Variants in ACSM6 observed in about 807,000 individuals in gnomAD.
ACSM6 encodes the protein acyl-coenzyme A synthetase ACSM6, mitochondrial.
ACSM6 carries 35 observed loss-of-function variants against 51.1 expected under a neutral mutation model. That is an observed-to-expected ratio of 0.69 (90% CI 0.52 to 0.91). The LOEUF (loss-of-function observed/expected upper bound fraction) is 0.91, where lower values mean the gene tolerates loss of function less well. Ranked by LOEUF, ACSM6 falls within the 40% of genes least tolerant of loss-of-function variation. ACSM6 has a pLI of 0.00. For synonymous variants in ACSM6, 172 were observed against 207.3 expected (o/e 0.83, Z 1.46); for missense variants, 509 against 584.1 (o/e 0.87, Z 1.32).
chr10:95,218,599 A>G (rs1189630800), intron 8 of ACSM6, among the ~76,000 whole-genome samples: 2 of 152,224 alleles, frequency 1.3e-5, no homozygotes, highest in African/African-American at 4.8e-5. Flanking sequence ...CCTTCAGACA[A>G]GATCAAAATA....
intron 4 of ACSM6, among the ~76,000 whole-genome samples, chr10:95,208,529 G>C (rs907593143): frequency 6.6e-6 from 1 of 152,216 alleles, no homozygotes. Flanking sequence ...TTAAAATAGC[G>C]AGATGATGCC....
chr10:95,210,366 T>G (rs2133381540), intron 4 of ACSM6, among the ~76,000 whole-genome samples: 1 of 152,242 alleles, frequency 6.6e-6, no homozygotes, highest in African/African-American at 2.4e-5. Flanking sequence ...CAATAATGAT[T>G]ACTACAGATT....
rs951519647 is a variant in ACSM6, at chr10:95,212,179, G to A, written c.912+145G>A. 3 of 988,098 alleles carry A rather than the reference G, an allele frequency of 3.0e-6. No individual in the cohort carries two copies. In the Admixed American group the frequency reaches 7.1e-5, roughly 23 times the overall value. The allele number at this position is 988,098 out of a possible 1,614,324, so 61.2% of individuals were successfully genotyped here. ...TGACTTGAAGATGCTCTCCCTGCTT[G>A]TGAGAGCAATGCTCTCTCTCTTCCC... On this transcript the variant is annotated intron_variant, in intron 6 of 10. Coordinates refer to ENST00000341686, the Ensembl canonical transcript of ACSM6.
intron 3 of ACSM6, among the ~76,000 whole-genome samples, chr10:95,206,421 T>A (rs969938411): frequency 1.3e-5 from 2 of 152,188 alleles, no homozygotes; most frequent in African/African-American, 4.8e-5. Context: ...GATATTTAGG[T>A]TGTTTCCACA....
intron 6 of ACSM6, 34 bp downstream of exon 6, chr10:95,212,068 C>T: frequency 6.2e-7 from 1 of 1,612,460 alleles, no homozygotes; most frequent in Non-Finnish European, 8.5e-7. Flanking sequence ...ATGTGTGGGA[C>T]AAAGGCCAGA....
At chr10:95,219,602 T>C (rs2034975587) in intron 8 of ACSM6, among the ~76,000 whole-genome samples, 1 of 152,222 alleles carries the variant, frequency 6.6e-6, no homozygotes, top group Non-Finnish European at 1.5e-5. Flanking sequence ...TTCCTTGAAT[T>C]TGTTATTTTA....
chr10:95,196,153 G>A lies in ACSM6; in HGVS notation c.192+1476G>A, dbSNP rs547832904. ...TTGTGCCTTTTATCTCTTTGTGCCC[G>A]CATGGCATCTGGCACCATGCAGAGC... On this transcript the variant is annotated intron_variant, in intron 2 of 10. Coordinates refer to ENST00000341686, the Ensembl canonical transcript of ACSM6. Among the ~76,000 whole-genome samples the A allele has an allele frequency of 1.9e-4, 29 of 152,296 alleles. 1 individual carries two copies. The highest frequency in any genetic ancestry group is 1.3e-3 in the East Asian group (7 of 5,186).
intron 1 of ACSM6, 26 bp downstream of exon 1, chr10:95,194,329 T>C (rs2034704346): frequency 1.5e-6 from 1 of 673,184 alleles, no homozygotes; most frequent in Non-Finnish European, 2.4e-6. Context: ...CATGGGCTTC[T>C]TCTCCAATGA....
At chr10:95,211,798 G>A (rs1018403892) in intron 5 of ACSM6, 80 bp from the exon 6 acceptor site, 4 of 1,411,468 alleles carry the variant, frequency 2.8e-6, no homozygotes, top group Non-Finnish European at 3.8e-6. Context: ...CCACAGGTCA[G>A]GGCTTGATAA....
At chr10:95,206,287 A>G (rs1430896383) in intron 3 of ACSM6, among the ~76,000 whole-genome samples, 2 of 152,214 alleles carry the variant, frequency 1.3e-5, no homozygotes, top group African/African-American at 4.8e-5. Context: ...TTCAGTTACC[A>G]TAATGTTTTC....
Position 95,225,313 on chromosome 10 carries a change from C to T in ACSM6, c.1224C>T (p.Leu408=), listed in dbSNP as rs61741038. ...AGATTGTGGATGAAAACTCAAATCT[C>T]CTGCCTCCAGGGGAAGAAGGAAATA... Residue 408 remains leucine, a synonymous_variant, in exon 10 of 11, where the codon CTC becomes CTT. Coordinates refer to ENST00000341686, the Ensembl canonical transcript of ACSM6. 1.2e-5 allele frequency: 18 copies of T among 1,551,496 alleles called. No individual in the cohort carries two copies. In the African/African-American group the frequency reaches 2.1e-4, roughly 18 times the overall value.
At chr10:95,228,832 A>C (rs760781316) in exon 11 of ACSM6, 4 of 1,532,998 alleles carry the variant, frequency 2.6e-6, no homozygotes, top group South Asian at 1.2e-5. Flanking sequence ...AGTTTGAAGA[A>C]GACTCTGGAC....
chr10:95,226,116 G>A (rs1013123914), intron 10 of ACSM6: 13 of 152,148 alleles, frequency 8.5e-5, no homozygotes. Flanking sequence ...AAGGAGGTGA[G>A]TGCCATTTCC....
At chr10:95,217,073 G>C (rs2034952217) in intron 8 of ACSM6, among the ~76,000 whole-genome samples, 1 of 152,218 alleles carries the variant, frequency 6.6e-6, no homozygotes, top group Non-Finnish European at 1.5e-5. Context: ...AAGTGGGCCA[G>C]GAGCAGTGGC....
At chr10:95,219,122 C>T (rs74150795) in intron 8 of ACSM6, among the ~76,000 whole-genome samples, 6,413 of 152,252 alleles carry the variant, frequency 0.042, 484 homozygotes, top group African/African-American at 0.14. Flanking sequence ...TCATGTCCTC[C>T]AAGGTAGACC....
At chr10:95,215,010 C>T (rs1168346629) in intron 8 of ACSM6, 35 bp downstream of exon 8, 2 of 1,549,176 alleles carry the variant, frequency 1.3e-6, no homozygotes, top group Admixed American at 3.9e-5. Flanking sequence ...TAGCCAGAAA[C>T]CAAACTTGCC....
At chr10:95,213,571 T>C (rs1464256910) in intron 7 of ACSM6, among the ~76,000 whole-genome samples, 1 of 152,208 alleles carries the variant, frequency 6.6e-6, no homozygotes, top group Non-Finnish European at 1.5e-5. Flanking sequence ...TTTTAATCAT[T>C]GCATAGTATT....
chr10:95,195,608 G>A (rs1483748618), intron 2 of ACSM6, among the ~76,000 whole-genome samples: 3 of 152,128 alleles, frequency 2.0e-5, no homozygotes, highest in Admixed American at 6.5e-5. Flanking sequence ...GGTGGTGCCC[G>A]CAGGAGAATC....
At chr10:95,223,412 A>G (rs2035012164) in intron 9 of ACSM6, among the ~76,000 whole-genome samples, 1 of 152,214 alleles carries the variant, frequency 6.6e-6, no homozygotes, top group South Asian at 2.1e-4. Flanking sequence ...AATATTTCTG[A>G]TTACTATAGG....
Sources: allele counts gnomAD v4.1 joint callset (sites outside exome capture counted in the v4.1 genomes callset), GRCh38; gene constraint gnomAD v4.1.1; transcripts MANE v1.5; gene names NCBI Gene and HGNC (gene_info 2026-07-23, HGNC 2026-07-21).